Variants in CLSTN2 observed in about 807,000 individuals in gnomAD.
The protein encoded by CLSTN2 is calsyntenin 2, also known as calsyntenin-2.
In CLSTN2, 48 loss-of-function variants were observed where a neutral mutation model predicts 101.2. That is an observed-to-expected ratio of 0.47 (90% CI 0.38 to 0.60). The LOEUF is 0.60. Among genes scored for constraint, CLSTN2 ranks in the 20% least tolerant of loss-of-function variants. The pLI is 0.00. For missense variants in CLSTN2, 1,160 were observed against 1,238.2 expected (o/e 0.94, Z 0.95); for synonymous variants, 481 against 463.6 (o/e 1.04, Z -0.48).
chr3:140,034,144 C>T (rs184568151), intron 1 of CLSTN2, among the ~76,000 whole-genome samples: 2 of 152,290 alleles, frequency 1.3e-5, no homozygotes, highest in Admixed American at 1.3e-4. Context: ...TGAGTCAACT[C>T]TCTATTTGTT....
intron 2 of CLSTN2, among the ~76,000 whole-genome samples, chr3:140,236,863 G>GTGTGTC (rs760697565): frequency 8.4e-6 from 1 of 119,302 alleles, no homozygotes; most frequent in Non-Finnish European, 1.7e-5. Context: ...GTGTGTGTGT[G>GTGTGTC]TATATAAATT....
chr3:140,284,447 A>C (rs2107898851), intron 2 of CLSTN2, among the ~76,000 whole-genome samples: 1 of 152,278 alleles, frequency 6.6e-6, no homozygotes, highest in South Asian at 2.1e-4. Context: ...GTCGCAAAGA[A>C]AATGTAAGAG....
chr3:140,246,729 A>T (rs1020449244), intron 2 of CLSTN2, among the ~76,000 whole-genome samples: 1 of 152,164 alleles, frequency 6.6e-6, no homozygotes, highest in Admixed American at 6.5e-5. Flanking sequence ...CAACAGGGGC[A>T]TATGTGGGCA....
intron 2 of CLSTN2, among the ~76,000 whole-genome samples, chr3:140,327,316 C>G (rs2087342114): frequency 6.6e-6 from 1 of 152,190 alleles, no homozygotes; most frequent in Admixed American, 6.5e-5. Context: ...ACCCTGTACT[C>G]CAGAAGGACA....
chr3:140,525,427 A>C (rs1935116729), intron 8 of CLSTN2, among the ~76,000 whole-genome samples: 1 of 151,992 alleles, frequency 6.6e-6, no homozygotes, highest in African/African-American at 2.4e-5. Context: ...CAAATAATGA[A>C]TTCTGAGATT....
At chr3:140,385,027 C>A (rs557602301) in intron 2 of CLSTN2, among the ~76,000 whole-genome samples, 4 of 152,134 alleles carry the variant, frequency 2.6e-5, no homozygotes, top group Admixed American at 1.3e-4. Flanking sequence ...CCTAGTGTGA[C>A]CTTGAACAAC....
intron 1 of CLSTN2, among the ~76,000 whole-genome samples, chr3:140,006,721 A>T (rs187814462): frequency 4.6e-5 from 7 of 152,304 alleles, no homozygotes; most frequent in Non-Finnish European, 8.8e-5. Flanking sequence ...CATTTGTCAA[A>T]TTAAAACATT....
intron 2 of CLSTN2, among the ~76,000 whole-genome samples, chr3:140,280,942 G>T (rs533936926): frequency 6.6e-6 from 1 of 152,336 alleles, no homozygotes; most frequent in East Asian, 1.9e-4. Flanking sequence ...AATCTTCCCA[G>T]GGTGCTGTAT....
intron 1 of CLSTN2, among the ~76,000 whole-genome samples, chr3:139,948,126 G>A (rs149312293): frequency 5.8e-4 from 88 of 152,158 alleles, no homozygotes; most frequent in African/African-American, 2.0e-3. Flanking sequence ...CACCCCTCCA[G>A]GATCTTTCTC....
At chr3:140,521,126 G>A (rs1935018874) in intron 8 of CLSTN2, among the ~76,000 whole-genome samples, 1 of 83,502 alleles carries the variant, frequency 1.2e-5, no homozygotes, top group African/African-American at 4.9e-5. Flanking sequence ...ACCTTCTGAT[G>A]CCTACTTCTA....
chr3:139,994,363 T>C (rs768046274), intron 1 of CLSTN2, among the ~76,000 whole-genome samples: 4 of 152,212 alleles, frequency 2.6e-5, no homozygotes, highest in Non-Finnish European at 5.9e-5. Context: ...CATGTCCATA[T>C]CACTTAATCC....
chr3:140,365,035 A>G (rs1358944793), intron 2 of CLSTN2, among the ~76,000 whole-genome samples: 1 of 152,202 alleles, frequency 6.6e-6, no homozygotes, highest in Non-Finnish European at 1.5e-5. Context: ...GAAGATGCCT[A>G]GGGGCTGCCC....
intron 2 of CLSTN2, among the ~76,000 whole-genome samples, chr3:140,385,286 C>G (rs113686600): frequency 6.6e-6 from 1 of 150,846 alleles, no homozygotes; most frequent in East Asian, 1.9e-4. Flanking sequence ...ATCCATGAGA[C>G]GGCTCACTCT....
chr3:139,984,848 A>ATATC (rs1339212404), intron 1 of CLSTN2, among the ~76,000 whole-genome samples: 2 of 152,094 alleles, frequency 1.3e-5, no homozygotes, highest in African/African-American at 4.8e-5. Context: ...TCCTAACTGA[A>ATATC]TATCTCAAAG....
intron 2 of CLSTN2, among the ~76,000 whole-genome samples, chr3:140,326,136 G>A (rs545259199): frequency 3.9e-5 from 6 of 152,244 alleles, no homozygotes; most frequent in Admixed American, 6.5e-5. Context: ...CTCTGCTGCC[G>A]GGTGCTGTGT....
At chr3:140,555,782 GGA>G (rs978621195) in intron 10 of CLSTN2, among the ~76,000 whole-genome samples, 1 of 152,172 alleles carries the variant, frequency 6.6e-6, no homozygotes, top group African/African-American at 2.4e-5. Flanking sequence ...ACTGCTGTGG[GGA>G]CATGGAGAGG....
intron 5 of CLSTN2, among the ~76,000 whole-genome samples, chr3:140,423,980 T>C (rs1046801711): frequency 6.6e-6 from 1 of 152,216 alleles, no homozygotes; most frequent in Non-Finnish European, 1.5e-5. Flanking sequence ...TGTGCTCTCA[T>C]GGCGACTGGC....
At chr3:140,015,256 C>A (rs1266842627) in intron 1 of CLSTN2, among the ~76,000 whole-genome samples, 1 of 152,154 alleles carries the variant, frequency 6.6e-6, no homozygotes, top group Non-Finnish European at 1.5e-5. Context: ...AGATCTCTGT[C>A]CAGGAAGAGT....
chr3:140,032,623 C>T (rs1024692407), intron 1 of CLSTN2, among the ~76,000 whole-genome samples: 1 of 152,108 alleles, frequency 6.6e-6, no homozygotes, highest in Non-Finnish European at 1.5e-5. Context: ...GGGCGTGTAC[C>T]ACCATGCCCA....
Sources: gnomAD v4.1 joint callset for allele counts (sites outside exome capture counted in the v4.1 genomes callset) on GRCh38, gnomAD v4.1.1 for gene constraint, MANE v1.5 for transcripts, NCBI Gene and HGNC (gene_info 2026-07-23, HGNC 2026-07-21) for gene names.